The following BICC1 variants were observed in gnomAD, a reference collection of about 807,000 sequenced individuals.
BICC1 encodes protein bicaudal C homolog 1.
BICC1 carries 43 observed loss-of-function variants against 111.0 expected under a neutral mutation model. The ratio of observed to expected loss-of-function variants is 0.39; its 90% confidence interval spans 0.30 to 0.50. The LOEUF (loss-of-function observed/expected upper bound fraction) is 0.50. Among genes scored for constraint, BICC1 ranks in the 20% least tolerant of loss-of-function variants. The probability of loss-of-function intolerance (pLI) is 0.88; values close to 1 mark genes in which losing one functional copy is unlikely to be tolerated. For synonymous variants in BICC1, 467 were observed against 434.4 expected (o/e 1.07, Z -0.93); for missense variants, 1,091 against 1,203.2 (o/e 0.91, Z 1.38).
At chr10:58,658,166 A>G (rs1838720768) in intron 2 of BICC1, among the ~76,000 whole-genome samples, 2 of 152,142 alleles carry the variant, frequency 1.3e-5, no homozygotes, top group Admixed American at 1.3e-4. Context: ...GTCTTCACCT[A>G]CAAGCCGGAG....
chr10:58,784,091 AC>A (rs1842947945), intron 3 of BICC1, among the ~76,000 whole-genome samples: 1 of 152,098 alleles, frequency 6.6e-6, no homozygotes, highest in Admixed American at 6.6e-5. Flanking sequence ...CATAGCTGGT[AC>A]TTCCTCATCT....
chr10:58,585,584 C>T (rs1482939550), intron 1 of BICC1, among the ~76,000 whole-genome samples: 4 of 152,112 alleles, frequency 2.6e-5, no homozygotes, highest in Non-Finnish European at 4.4e-5. Flanking sequence ...GTGTCATACA[C>T]CTCACAGGGG....
rs200206580 is a variant in BICC1 at position 58,566,222 on chromosome 10, GTGTA to G, written c.190+52891_190+52894del. On this transcript the variant is annotated intron_variant, in intron 1 of 20. Transcript: ENST00000373886. ...TATACACATGTACACACTTGCATATGTGTATATCTATACATGTACACACGTGCAT... is the reference window on the plus strand; with the variant it reads ...TATACACATGTACACACTTGCATATGTATCTATACATGTACACACGTGCAT... Among the ~76,000 whole-genome samples, 410 of 151,398 alleles carry G rather than the reference GTGTA, an allele frequency of 2.7e-3. 3 individuals are homozygous for G. The East Asian group carries it at 0.033, about 12-fold the overall frequency.
At position 58,603,130 on chromosome 10, in the gene BICC1, A is replaced by G. The variant is rs558223121; in HGVS notation, c.191-17725A>G. On this transcript the variant is annotated intron_variant, in intron 1 of 20. Coordinates refer to ENST00000373886, the MANE Select transcript of BICC1 (RefSeq NM_001080512.3). ...TTTCACCTTGAAAAACAGCTCTTTT[A>G]GGTCATAATGAGTTGTGCTAAACAC... Among the ~76,000 whole-genome samples, 4 of 152,290 alleles carry G rather than the reference A, an allele frequency of 2.6e-5. No individual in the cohort carries two copies. In the South Asian group the frequency reaches 8.3e-4, roughly 32 times the overall value.
At chr10:58,663,890 T>A (rs1156714750) in intron 2 of BICC1, among the ~76,000 whole-genome samples, 1 of 152,248 alleles carries the variant, frequency 6.6e-6, no homozygotes, top group Non-Finnish European at 1.5e-5. Flanking sequence ...TTGTTGGGTG[T>A]GTCAGTAGTT....
At chr10:58,637,170 G>C (rs1837976883) in intron 2 of BICC1, among the ~76,000 whole-genome samples, 1 of 152,230 alleles carries the variant, frequency 6.6e-6, no homozygotes, top group East Asian at 1.9e-4. Context: ...TATGTATTTT[G>C]CATTTTAGAA....
chr10:58,718,333 T>C (rs1449143944), intron 3 of BICC1, among the ~76,000 whole-genome samples: 1 of 152,156 alleles, frequency 6.6e-6, no homozygotes, highest in Non-Finnish European at 1.5e-5. Context: ...ATAAGGGCAC[T>C]AATGCTATTT....
In BICC1 at chr10:58,574,878, A is replaced by G. The variant is rs540845716; in HGVS notation, c.191-45977A>G. ...TGTACAAGAAGACAGCTGCATTCTC[A>G]TTTCTTCTTCTGCATTCAATCTGTC... On this transcript the variant is annotated intron_variant, in intron 1 of 20. Coordinates refer to ENST00000373886, the MANE Select transcript of BICC1 (RefSeq NM_001080512.3). Among the ~76,000 whole-genome samples the G allele has an allele frequency of 2.6e-5, 4 of 152,094 alleles. No homozygotes were observed. The East Asian group carries it at 7.8e-4, about 29-fold the overall frequency.
intron 1 of BICC1, among the ~76,000 whole-genome samples, chr10:58,586,660 A>G (rs1435708197): frequency 2.0e-5 from 3 of 151,468 alleles, no homozygotes; most frequent in Admixed American, 6.6e-5. Flanking sequence ...CAGAGTTCCT[A>G]TGTTCACATA....
At chr10:58,543,693 A>T (rs1259528692) in intron 1 of BICC1, among the ~76,000 whole-genome samples, 1 of 151,964 alleles carries the variant, frequency 6.6e-6, no homozygotes, top group Non-Finnish European at 1.5e-5. Context: ...TAGGTTTTGT[A>T]GAGACAGTCT....
chr10:58,628,969 A>G (rs1010402952), intron 2 of BICC1, among the ~76,000 whole-genome samples: 1 of 152,152 alleles, frequency 6.6e-6, no homozygotes, highest in Non-Finnish European at 1.5e-5. Flanking sequence ...TAGCTTGGAG[A>G]CAATGTGGCA....
intron 20 of BICC1, among the ~76,000 whole-genome samples, chr10:58,824,364 A>G (rs1233545387): frequency 6.6e-6 from 1 of 152,222 alleles, no homozygotes; most frequent in Non-Finnish European, 1.5e-5. Flanking sequence ...AGTGCTTGTC[A>G]TACAATAAGG....
rs1842865618 is a variant in BICC1 at position 58,780,885 on chromosome 10, G to T, written c.308-4116G>T. 2.0e-5 allele frequency among the ~76,000 whole-genome samples: 3 copies of T among 152,144 alleles called. No homozygotes were observed. In the South Asian group the frequency reaches 6.2e-4, roughly 32 times the overall value. ...TTATTGAAAATATGGTTTTTAGCGG[G>T]TGTCCTTACGACAATTGTTGCCTTG... On this transcript the variant is annotated intron_variant, in intron 3 of 20. Transcript: ENST00000373886.
In BICC1 at chr10:58,797,546, G is replaced by A. The variant is rs114030575; in HGVS notation, c.1367-853G>A. ...ACCTGAACAGAGTCATAACAACATAGCAATGACTGTGAGTCAGGAAATGCC... is the reference window on the plus strand; with the variant it reads ...ACCTGAACAGAGTCATAACAACATAACAATGACTGTGAGTCAGGAAATGCC... On this transcript the variant is annotated intron_variant, in intron 10 of 20. Transcript: ENST00000373886. 8.1e-3 allele frequency among the ~76,000 whole-genome samples: 1,234 copies of A among 152,206 alleles called. 13 individuals carry two copies. The highest frequency in any genetic ancestry group is 0.028 in the African/African-American group (1,171 of 41,512).
At chr10:58,553,912 G>C (rs1843369610) in intron 1 of BICC1, among the ~76,000 whole-genome samples, 1 of 151,974 alleles carries the variant, frequency 6.6e-6, no homozygotes, top group Non-Finnish European at 1.5e-5. Context: ...CATGTGTTAA[G>C]AGTCTTAACT....
At chr10:58,786,842 C>T in intron 4 of BICC1, 81 bp from the exon 5 acceptor site, 2 of 1,117,328 alleles carry the variant, frequency 1.8e-6, no homozygotes, top group East Asian at 5.8e-5. Context: ...TTGTTAATAC[C>T]ATTCCCTTGA....
chr10:58,571,426 G>T (rs1000630660), intron 1 of BICC1, among the ~76,000 whole-genome samples: 3 of 152,020 alleles, frequency 2.0e-5, no homozygotes, highest in East Asian at 1.9e-4. Flanking sequence ...TGCCCACATT[G>T]TCCCATCACC....
At chr10:58,538,983 A>G (rs972163300) in intron 1 of BICC1, among the ~76,000 whole-genome samples, 1 of 151,928 alleles carries the variant, frequency 6.6e-6, no homozygotes, top group Non-Finnish European at 1.5e-5. Flanking sequence ...GCTGGTTGGA[A>G]AGTAAATTAG....
intron 3 of BICC1, among the ~76,000 whole-genome samples, chr10:58,752,936 A>G (rs776115428): frequency 2.0e-5 from 3 of 152,012 alleles, no homozygotes; most frequent in Non-Finnish European, 4.4e-5. Flanking sequence ...TGCTCTCTAG[A>G]GAGCTGTGCT....
Sources: gnomAD v4.1 joint callset for allele counts (sites outside exome capture counted in the v4.1 genomes callset) on GRCh38, gnomAD v4.1.1 for gene constraint, MANE v1.5 for transcripts, NCBI Gene and HGNC (gene_info 2026-07-23, HGNC 2026-07-21) for gene names.